The following KIF6 variants were observed in gnomAD, a reference collection of about 807,000 sequenced individuals.
KIF6 encodes kinesin-like protein KIF6.
Under a neutral mutation model 112.7 loss-of-function variants are expected in KIF6, and 106 were observed. The ratio of observed to expected loss-of-function variants is 0.94; its 90% CI spans 0.80 to 1.11. The LOEUF is 1.11. Ranked by LOEUF, KIF6 falls within the 50% of genes least tolerant of loss-of-function variation. The pLI is 0.00. For synonymous variants in KIF6, 339 were observed against 339.9 expected (o/e 1.00, Z 0.03); for missense variants, 929 against 964.0 (o/e 0.96, Z 0.48).
chr6:39,520,246 A>G (rs1777314162), intron 13 of KIF6, among the ~76,000 whole-genome samples: 2 of 152,224 alleles, frequency 1.3e-5, no homozygotes, highest in African/African-American at 4.8e-5. Context: ...TCAGATAATC[A>G]ATGAATAATT....
rs572852548 is a variant in KIF6, at chr6:39,523,230, G to A, written c.1645+16773C>T. ...TTGTCTCATCTTTTCAGTCCCTACC[G>A]TGGCTGGCTTGGTCGAGGTCCTTAT... On this transcript the variant is annotated intron_variant, in intron 13 of 22. Transcript: ENST00000287152. Among the ~76,000 whole-genome samples, 23 of 152,052 alleles carry A rather than the reference G, an allele frequency of 1.5e-4. No individual in the cohort carries two copies. In the South Asian group the frequency reaches 4.0e-3, roughly 26 times the overall value.
intron 9 of KIF6, among the ~76,000 whole-genome samples, chr6:39,582,568 C>A (rs777081336): frequency 2.0e-5 from 3 of 152,054 alleles, no homozygotes; most frequent in East Asian, 1.9e-4. Flanking sequence ...TGTACCTCCA[C>A]GCCCGGCTAA....
At chr6:39,650,616 C>A (rs1216951942) in intron 3 of KIF6, among the ~76,000 whole-genome samples, 1 of 151,702 alleles carries the variant, frequency 6.6e-6, no homozygotes, top group Non-Finnish European at 1.5e-5. Flanking sequence ...TTCCTATGAT[C>A]CTTCAGAATA....
At chr6:39,484,535 G>A (rs1555150) in intron 13 of KIF6, among the ~76,000 whole-genome samples, 7 of 152,316 alleles carry the variant, frequency 4.6e-5, no homozygotes, top group Non-Finnish European at 1.0e-4. Flanking sequence ...GAAATGGCGG[G>A]AGATGGAGTA....
chr6:39,635,191 T>C (rs1784562651), intron 4 of KIF6, among the ~76,000 whole-genome samples: 1 of 152,094 alleles, frequency 6.6e-6, no homozygotes, highest in Non-Finnish European at 1.5e-5. Context: ...TTATTTTTTA[T>C]TGGTTCCACA....
intron 19 of KIF6, among the ~76,000 whole-genome samples, chr6:39,356,331 T>C (rs1346770040): frequency 6.6e-6 from 1 of 152,030 alleles, no homozygotes; most frequent in Non-Finnish European, 1.5e-5. Flanking sequence ...AGTGGCACGA[T>C]CTCAGCTCAC....
intron 13 of KIF6, among the ~76,000 whole-genome samples, chr6:39,447,681 C>A (rs1243409968): frequency 6.6e-6 from 1 of 152,186 alleles, no homozygotes; most frequent in Admixed American, 6.5e-5. Flanking sequence ...CAATATCCTT[C>A]CTTTACCCCA....
At chr6:39,337,171 CCTTCTTT>C (rs1299113059) in intron 22 of KIF6, among the ~76,000 whole-genome samples, 1 of 47,714 alleles carries the variant, frequency 2.1e-5, no homozygotes, top group African/African-American at 1.7e-4. Flanking sequence ...TTCTTTCCTT[CCTTCTTT>C]CTTTCTTTCT....
rs375075219 is a variant in KIF6 at position 39,450,022 on chromosome 6, C to T, written c.1646-18861G>A. 2.6e-5 allele frequency among the ~76,000 whole-genome samples: 4 copies of T among 152,110 alleles called. No homozygotes were observed. In the South Asian group the frequency reaches 6.2e-4, roughly 24 times the overall value. On this transcript the variant is annotated intron_variant, in intron 13 of 22. Coordinates refer to ENST00000287152, the MANE Select transcript of KIF6 (RefSeq NM_145027.6). ...GGGAGTTTGTGGTTTGTTTGTTTTG[C>T]TTTTATTTTTATTTTCTACATTTTA...
intron 19 of KIF6, 80 bp downstream of exon 19, chr6:39,357,197 G>A: frequency 1.3e-6 from 1 of 799,172 alleles, no homozygotes; most frequent in Non-Finnish European, 2.1e-6. Context: ...AGAGACATGA[G>A]AGCCACAGGA....
Position 39,357,284 on chromosome 6 carries a change from TAGAG to T in KIF6, c.2169_2172del (p.Ser724ThrfsTer22), listed in dbSNP as rs1464548500. 1 of 1,610,792 alleles carries T rather than the reference TAGAG, an allele frequency of 6.2e-7. No individual in the cohort carries two copies. The highest frequency in any genetic ancestry group is 1.7e-5 in the Admixed American group (1 of 59,916). ...GGTGAGTTCTCACCTTACCTTTTGT[TAGAG>T]AGGAGTTGGGACCATTCATGCTGGG... On this transcript the variant is annotated frameshift_variant, in exon 19 of 23. Transcript: ENST00000287152. LOFTEE classifies it high-confidence loss of function.
chr6:39,431,614 T>C (rs1404666554), intron 13 of KIF6, among the ~76,000 whole-genome samples: 2 of 152,226 alleles, frequency 1.3e-5, no homozygotes, highest in Non-Finnish European at 1.5e-5. Context: ...ATTCTGCTCT[T>C]AGTCTCTGTA....
At chr6:39,372,221 G>A (rs1766058180) in intron 16 of KIF6, among the ~76,000 whole-genome samples, 1 of 148,834 alleles carries the variant, frequency 6.7e-6, no homozygotes, top group Non-Finnish European at 1.5e-5. Flanking sequence ...TTCCATCCAG[G>A]GGCAGAGGAA....
chr6:39,530,261 A>G (rs1485860101), intron 13 of KIF6, among the ~76,000 whole-genome samples: 1 of 152,202 alleles, frequency 6.6e-6, no homozygotes, highest in Non-Finnish European at 1.5e-5. Flanking sequence ...TAAAATGCCA[A>G]TGGCATCATC....
At chr6:39,453,847 T>C (rs1016876344) in intron 13 of KIF6, among the ~76,000 whole-genome samples, 4 of 152,216 alleles carry the variant, frequency 2.6e-5, no homozygotes, top group African/African-American at 9.6e-5. Flanking sequence ...AAAATTTTCT[T>C]CTCTGGCTTC....
intron 2 of KIF6, chr6:39,714,971 T>C: frequency 2.0e-6 from 1 of 490,354 alleles, no homozygotes; most frequent in Non-Finnish European, 3.6e-6. Context: ...ACAGTATTGC[T>C]TTGACAAGAT....
At chr6:39,443,474 T>G (rs1772091394) in intron 13 of KIF6, among the ~76,000 whole-genome samples, 1 of 152,162 alleles carries the variant, frequency 6.6e-6, no homozygotes, top group Non-Finnish European at 1.5e-5. Flanking sequence ...GACAGAGTCT[T>G]GCTCTATTGC....
chr6:39,694,138 C>G (rs1259321104), intron 3 of KIF6, among the ~76,000 whole-genome samples: 2 of 148,712 alleles, frequency 1.3e-5, no homozygotes, highest in Admixed American at 1.3e-4. Context: ...AAAAAAAAAC[C>G]CTCAACAAAT....
intron 19 of KIF6, among the ~76,000 whole-genome samples, chr6:39,346,730 C>CTCCGCT (rs1183538321): frequency 1.3e-5 from 2 of 152,154 alleles, no homozygotes; most frequent in African/African-American, 4.8e-5. Flanking sequence ...TCACTGCAAC[C>CTCCGCT]TCCGCTTCCT....
Sources: gnomAD v4.1 joint callset for allele counts (sites outside exome capture counted in the v4.1 genomes callset) on GRCh38, gnomAD v4.1.1 for gene constraint, MANE v1.5 for transcripts, NCBI Gene and HGNC (gene_info 2026-07-23, HGNC 2026-07-21) for gene names.